The following C1orf116 variants were observed in gnomAD, a reference collection of about 807,000 sequenced individuals.
C1orf116 encodes specifically androgen-regulated gene protein.
Under a neutral mutation model 14.1 loss-of-function variants are expected in C1orf116, and 12 were observed. The observed-to-expected ratio is 0.85, with a 90% CI of 0.54 to 1.38. The LOEUF (loss-of-function observed/expected upper bound fraction) is 1.38, where lower values mean the gene tolerates loss of function less well. C1orf116 is among the 40% of genes most tolerant of loss of function. C1orf116 has a pLI of 0.00. For missense variants in C1orf116, 797 were observed against 747.0 expected, an observed-to-expected ratio of 1.07 and a Z score of -0.78; for synonymous variants, 296 against 299.0, an observed-to-expected ratio of 0.99 and a Z score of 0.10.
intron 1 of C1orf116, among the ~76,000 whole-genome samples, chr1:207,029,651 TA>T (rs1197651608): frequency 1.3e-5 from 2 of 152,228 alleles, no homozygotes; most frequent in African/African-American, 4.8e-5. Context: ...TTCTAACCTA[TA>T]ACTGTCAGCT....
intron 3 of C1orf116, among the ~76,000 whole-genome samples, chr1:207,024,527 C>T (rs1228938383): frequency 6.6e-6 from 1 of 152,228 alleles, no homozygotes; most frequent in Non-Finnish European, 1.5e-5. Flanking sequence ...CAGATTAGCT[C>T]TCTAGACTGA....
chr1:207,024,803 G>A, intron 3 of C1orf116, 84 bp downstream of exon 3: 1 of 1,491,348 alleles, frequency 6.7e-7, no homozygotes, highest in Admixed American at 1.7e-5. Context: ...TGGGGTAGAG[G>A]GCAGGCGAGG....
At chr1:207,028,799 T>C (rs1013329036) in intron 1 of C1orf116, among the ~76,000 whole-genome samples, 1 of 152,216 alleles carries the variant, frequency 6.6e-6, no homozygotes, top group Non-Finnish European at 1.5e-5. Flanking sequence ...TATGTTAAAA[T>C]GAAATTCTAA....
Position 207,022,971 on chromosome 1 carries a change from G to A in C1orf116, c.793C>T (p.Pro265Ser). The A allele has an allele frequency of 6.2e-7, 1 of 1,614,160 alleles. No homozygotes were observed. The highest frequency in any genetic ancestry group is 8.5e-7 in the Non-Finnish European group (1 of 1,180,034). The change falls in exon 4 of 4, where the codon CCT becomes TCT. Residue 265 changes from proline (P) to serine (S), a missense_variant. Physicochemically the swap from Pro to Ser is moderately conservative, Grantham distance 74 (BLOSUM62 -1). Coordinates refer to ENST00000359470, the MANE Select transcript of C1orf116 (RefSeq NM_023938.6). ...VSTRYTQPQP[P>S]PAGLPQNARA... ...GCATTCTGAGGCAACCCTGCAGGAG[G>A]AGGCTGGGGTTGTGTGTACCTGGTT...
At chr1:207,027,445 C>A in intron 2 of C1orf116, 49 bp downstream of exon 2, 1 of 1,606,856 alleles carries the variant, frequency 6.2e-7, no homozygotes, top group Non-Finnish European at 8.5e-7. Flanking sequence ...CAGGGCAGGG[C>A]AGGTGTGCAG....
chr1:207,027,803 C>T, intron 1 of C1orf116, 124 bp from the exon 2 acceptor site: 1 of 1,123,352 alleles, frequency 8.9e-7, no homozygotes, highest in East Asian at 2.6e-5. Context: ...GCATGAACAG[C>T]CACTGCCCGA....
At chr1:207,025,183 G>A in intron 2 of C1orf116, 119 bp from the exon 3 acceptor site, 1 of 729,780 alleles carries the variant, frequency 1.4e-6, no homozygotes, top group Non-Finnish European at 2.3e-6. Flanking sequence ...GGCGGGGCCT[G>A]AGAACCACCC....
chr1:207,024,963 C>T lies in C1orf116; in HGVS notation c.207G>A (p.Leu69=). 1 of 1,614,012 alleles carries T rather than the reference C, an allele frequency of 6.2e-7. No individual in the cohort carries two copies. Among genetic ancestry groups the T allele is most frequent in the Non-Finnish European group, 8.5e-7 (1 of 1,179,984 alleles). The change falls in exon 3 of 4, where the codon CTG becomes CTA. Residue 69 remains leucine, a synonymous_variant. Coordinates refer to ENST00000359470, the MANE Select transcript of C1orf116 (RefSeq NM_023938.6). The stretch of plus-strand genomic sequence containing the variant: ...TGGCTGGCTCAGACTCGTCAGTGGA[C>T]AGTCCGCTGTCAGCCTCCGTGTCCA... The part of the protein sequence containing the change: ...GSLDTEADSG[L]STDESEPATT...
At chr1:207,023,560 G>A (rs1324312859) in intron 3 of C1orf116, 80 bp from the exon 4 acceptor site, 1 of 1,487,526 alleles carries the variant, frequency 6.7e-7, no homozygotes, top group South Asian at 1.4e-5. Flanking sequence ...AGAGGGGAAA[G>A]CAATGACTTC....
Position 207,019,565 on chromosome 1 carries a change from C to G in C1orf116, c.*2393G>C, listed in dbSNP as rs1681767969. The G allele has an allele frequency of 1.3e-5, 2 of 152,238 alleles. No individual in the cohort carries two copies. The highest frequency in any genetic ancestry group is 2.9e-5 in the Non-Finnish European group (2 of 68,050). The allele number at this position is 152,238 out of a possible 1,614,324, so 9.4% of individuals were successfully genotyped here. On this transcript the variant is annotated 3_prime_UTR_variant, in exon 4 of 4. Coordinates refer to ENST00000359470, the MANE Select transcript of C1orf116 (RefSeq NM_023938.6). ...ACAATGACCTCAGCTCTGTCTAGCA[C>G]CACTTTCAGGGAGGCGGATGTCCTC...
chr1:207,022,809 G>C lies in C1orf116; in HGVS notation c.955C>G (p.Gln319Glu). ...TCAGTGTGGCGGGACAGCCAGTGCT[G>C]GGGGTCACTGTGGAAACTGCTTCGG... ...SSRSSFHSDPQHWLSRHTEAA... is the reference protein window; with the variant it reads ...SSRSSFHSDPEHWLSRHTEAA... Residue 319 changes from glutamine to glutamate, a missense_variant, in exon 4 of 4, where the codon CAG becomes GAG. Physicochemically the swap from Gln to Glu is conservative, Grantham distance 29 (BLOSUM62 2). Transcript: ENST00000359470. 1 of 1,614,034 alleles carries C rather than the reference G, an allele frequency of 6.2e-7. No homozygotes were observed. Among genetic ancestry groups the C allele is most frequent in the South Asian group, 1.1e-5 (1 of 91,072 alleles).
chr1:207,028,585 C>G (rs1682151594), intron 1 of C1orf116, among the ~76,000 whole-genome samples: 1 of 152,202 alleles, frequency 6.6e-6, no homozygotes, highest in Non-Finnish European at 1.5e-5. Context: ...GATTCCCTAG[C>G]CTATGTCAAA....
At position 207,023,442 on chromosome 1, in the gene C1orf116, G is replaced by A. The variant is rs1435077236; in HGVS notation, c.322C>T (p.Pro108Ser). The A allele has an allele frequency of 6.2e-7, 1 of 1,613,284 alleles. No homozygotes were observed. The highest frequency in any genetic ancestry group is 8.5e-7 in the Non-Finnish European group (1 of 1,179,724). ...EETITQQGRT[P>S]RTVTESSSSH... is the part of the protein sequence containing the mutation. ...GAGCTGGACTCAGTTACTGTCCTTGGCGTTCGTCCTTGCTGAGTGATGGTC... is the reference window on the plus strand; with the variant it reads ...GAGCTGGACTCAGTTACTGTCCTTGACGTTCGTCCTTGCTGAGTGATGGTC... The change falls in exon 4 of 4, where the codon CCA becomes TCA. Residue 108 changes from proline (P) to serine (S), a missense_variant. By Grantham distance (74) the Pro-to-Ser change is moderately conservative (BLOSUM62 -1). Coordinates refer to ENST00000359470, the MANE Select transcript of C1orf116 (RefSeq NM_023938.6).
intron 2 of C1orf116, among the ~76,000 whole-genome samples, chr1:207,025,886 C>A (rs997062232): frequency 3.9e-5 from 6 of 152,116 alleles, no homozygotes; most frequent in African/African-American, 1.4e-4. Flanking sequence ...TAAAGTAGAT[C>A]ATATTCATTA....
At position 207,023,375 on chromosome 1, in the gene C1orf116, C is replaced by T. The variant is rs1474912800; in HGVS notation, c.389G>A (p.Gly130Asp). Residue 130 changes from glycine (G) to aspartate (D), a missense_variant, in exon 4 of 4, where the codon GGC becomes GAC. By Grantham distance (94) the Gly-to-Asp change is moderately conservative. Transcript: ENST00000359470. Reference sequence around the variant, plus strand: ...GATATTCCTAGGGAGGCTGTAGGAGCCAGACCTGAGGCCTAGGCCCTGGGG... The same window carrying T: ...GATATTCCTAGGGAGGCTGTAGGAGTCAGACCTGAGGCCTAGGCCCTGGGG... The part of the protein sequence containing the change: ...PEPQGLGLRS[G>D]SYSLPRNIHI... 2 of 1,613,986 alleles carry T rather than the reference C, an allele frequency of 1.2e-6. No individual in the cohort carries two copies. Among genetic ancestry groups the T allele is most frequent in the Non-Finnish European group, 1.7e-6 (2 of 1,179,988 alleles).
intron 2 of C1orf116, among the ~76,000 whole-genome samples, chr1:207,026,825 A>G (rs773871297): frequency 6.6e-6 from 1 of 152,246 alleles, no homozygotes; most frequent in Non-Finnish European, 1.5e-5. Context: ...AGTTTATTAA[A>G]TGCCACTCAC....
At position 207,022,319 on chromosome 1, in the gene C1orf116, T is replaced by C. The variant is rs962829598; in HGVS notation, c.1445A>G (p.Asn482Ser). The change falls in exon 4 of 4, where the codon AAC becomes AGC. Residue 482 changes from asparagine to serine, a missense_variant. By Grantham distance (46) the Asn-to-Ser change is conservative (BLOSUM62 1). Transcript: ENST00000359470. ...PGLRQMNFKS[N>S]TLERSGVGLS... Reference sequence around the variant, plus strand: ...TCCCACGCCTGAGCGCTCCAGAGTGTTGGACTTGAAGTTCATCTGTCTCAG... The same window carrying C: ...TCCCACGCCTGAGCGCTCCAGAGTGCTGGACTTGAAGTTCATCTGTCTCAG... 7.4e-6 allele frequency: 12 copies of C among 1,613,836 alleles called. No individual in the cohort carries two copies. Among genetic ancestry groups the C allele is most frequent in the Non-Finnish European group, 1.0e-5 (12 of 1,179,804 alleles).
In C1orf116 at chr1:207,022,368, G is replaced by A; in HGVS notation, c.1396C>T (p.Leu466Phe). The A allele has an allele frequency of 6.2e-7, 1 of 1,614,112 alleles. No homozygotes were observed. The highest frequency in any genetic ancestry group is 8.5e-7 in the Non-Finnish European group (1 of 1,179,992). ...AGGCCAGGGGTGTTGCTCTCCTGGA[G>A]AGTCAGCCCTGACTCTGGCTTCGGT... ...TPPKPESGLT[L>F]QESNTPGLRQ... The change falls in exon 4 of 4, where the codon CTC becomes TTC. Residue 466 changes from leucine (L) to phenylalanine (F), a missense_variant. By Grantham distance (22) the Leu-to-Phe change is conservative. Transcript: ENST00000359470.
chr1:207,025,081 TGGGGGC>T lies in C1orf116; in HGVS notation c.106-23_106-18del. 6 of 51,920 alleles carry T rather than the reference TGGGGGC, an allele frequency of 1.2e-4. No individual in the cohort carries two copies. Among genetic ancestry groups the T allele is most frequent in the Non-Finnish European group, 1.8e-4 (6 of 33,182 alleles). 3.2% of individuals were successfully genotyped at this position (51,920 alleles called of 1,614,324 possible). ...GCTATCACTCTGTTGGGTTTGGGGT[TGGGGGC>T]GGGGGCGGGGAGGCGGGGGGGAGGG... On this transcript the variant is annotated intron_variant, in intron 2 of 3. Coordinates refer to ENST00000359470, the MANE Select transcript of C1orf116 (RefSeq NM_023938.6).
Sources: allele counts gnomAD v4.1 joint callset (sites outside exome capture counted in the v4.1 genomes callset), GRCh38; gene constraint gnomAD v4.1.1; transcripts MANE v1.5; gene names NCBI Gene and HGNC (gene_info 2026-07-23, HGNC 2026-07-21).